Variants in COL19A1 observed in about 807,000 individuals in gnomAD.
COL19A1 encodes the protein collagen type XIX alpha 1 chain.
In COL19A1, 159 loss-of-function variants were observed where a neutral mutation model predicts 190.2. The ratio of observed to expected loss-of-function variants is 0.84; its 90% CI spans 0.73 to 0.95. COL19A1 has a LOEUF of 0.95. Ranked by LOEUF, COL19A1 falls within the 40% of genes least tolerant of loss-of-function variation. The probability of loss-of-function intolerance (pLI) is 0.00; values close to 1 mark genes in which losing one functional copy is unlikely to be tolerated. For synonymous variants in COL19A1, 509 were observed against 458.9 expected (o/e 1.11, Z -1.39); for missense variants, 1,418 against 1,431.9 (o/e 0.99, Z 0.16).
intron 19 of COL19A1, among the ~76,000 whole-genome samples, chr6:70,139,926 T>TC (rs1228746372): frequency 6.7e-6 from 1 of 148,876 alleles, no homozygotes; most frequent in African/African-American, 2.5e-5. Flanking sequence ...GTTTTTCTCT[T>TC]TTTTTTTTTT....
intron 35 of COL19A1, among the ~76,000 whole-genome samples, chr6:70,162,337 G>A (rs1787862222): frequency 6.6e-6 from 1 of 152,084 alleles, no homozygotes; most frequent in Admixed American, 6.6e-5. Context: ...GTGTGCTAAG[G>A]ATTATCAGAT....
intron 16 of COL19A1, among the ~76,000 whole-genome samples, chr6:70,119,900 G>A (rs1169145154): frequency 1.3e-5 from 2 of 152,168 alleles, no homozygotes; most frequent in African/African-American, 4.8e-5. Flanking sequence ...AGACCAGCCT[G>A]GCCAACATGG....
At chr6:69,884,717 GTTCT>G (rs1768795742) in intron 2 of COL19A1, among the ~76,000 whole-genome samples, 1 of 152,096 alleles carries the variant, frequency 6.6e-6, no homozygotes, top group Non-Finnish European at 1.5e-5. Flanking sequence ...GGATGACTAT[GTTCT>G]TAGGTTCTCA....
chr6:70,058,679 A>G (rs1176856613), intron 14 of COL19A1, among the ~76,000 whole-genome samples: 1 of 136,376 alleles, frequency 7.3e-6, no homozygotes, highest in Non-Finnish European at 1.5e-5. Flanking sequence ...ATAAAATAAC[A>G]TAACATAAAG....
In COL19A1 at chr6:69,977,748, A is replaced by C. The variant is rs1229211005; in HGVS notation, c.1026+14878A>C. Among the ~76,000 whole-genome samples the C allele has an allele frequency of 2.0e-5, 3 of 152,158 alleles. No homozygotes were observed. In the East Asian group the frequency reaches 5.8e-4, roughly 29 times the overall value. ...AGGATAATAGATGTGGCCTCTATCT[A>C]GGTTTATTTTGCTAGTTAAGTTCCT... On this transcript the variant is annotated intron_variant, in intron 11 of 50. Coordinates refer to ENST00000620364, the MANE Select transcript of COL19A1 (RefSeq NM_001858.6).
chr6:70,042,249 C>G (rs1779670624), intron 14 of COL19A1, among the ~76,000 whole-genome samples: 1 of 152,092 alleles, frequency 6.6e-6, no homozygotes, highest in South Asian at 2.1e-4. Flanking sequence ...GAATTAAAAA[C>G]TACTTAGAGA....
chr6:69,885,635 C>G (rs1385824194), intron 2 of COL19A1, among the ~76,000 whole-genome samples: 4 of 152,158 alleles, frequency 2.6e-5, no homozygotes, highest in Non-Finnish European at 5.9e-5. Flanking sequence ...CCATTTCCTC[C>G]CTACCTCACA....
At chr6:70,076,877 C>T (rs141102636) in intron 15 of COL19A1, among the ~76,000 whole-genome samples, 1 of 152,316 alleles carries the variant, frequency 6.6e-6, no homozygotes, top group East Asian at 1.9e-4. Flanking sequence ...TTATTCAGAA[C>T]ATTACACTGA....
chr6:70,163,321 A>C, intron 35 of COL19A1, 22 bp from the exon 36 acceptor site: 4 of 1,609,190 alleles, frequency 2.5e-6, no homozygotes, highest in Non-Finnish European at 3.4e-6. Context: ...TTCTGTAACA[A>C]ACTTAGTTTT....
chr6:70,071,308 G>A (rs755491081), intron 15 of COL19A1, among the ~76,000 whole-genome samples: 1 of 151,854 alleles, frequency 6.6e-6, no homozygotes, highest in Non-Finnish European at 1.5e-5. Flanking sequence ...AAGCATAATA[G>A]CAACACTATT....
Position 69,904,252 on chromosome 6 carries a change from A to G in COL19A1, c.266+3914A>G, listed in dbSNP as rs78023778. Among the ~76,000 whole-genome samples, 55 of 152,316 alleles carry G rather than the reference A, an allele frequency of 3.6e-4. 1 individual carries two copies. The East Asian group carries it at 0.011, about 29-fold the overall frequency. ...AGTATTTGCACAAAATGAGTATATG[A>G]TCGCCATTTACTCACAGTTTCTAGT... On this transcript the variant is annotated intron_variant, in intron 4 of 50. Transcript: ENST00000620364.
chr6:69,920,598 T>C (rs1771627966), intron 4 of COL19A1, among the ~76,000 whole-genome samples: 1 of 152,160 alleles, frequency 6.6e-6, no homozygotes, highest in East Asian at 1.9e-4. Context: ...AGTTTGACTG[T>C]ATGATGTTTA....
chr6:70,166,418 C>G (rs1296867758), intron 37 of COL19A1, among the ~76,000 whole-genome samples: 1 of 152,206 alleles, frequency 6.6e-6, no homozygotes, highest in Non-Finnish European at 1.5e-5. Context: ...TGCAAGGAAA[C>G]TCTATTTATG....
chr6:70,137,727 A>G lies in COL19A1; in HGVS notation c.1426A>G (p.Lys476Glu). The change falls in exon 19 of 51, where the codon AAA (lysine) becomes GAA (glutamate). Residue 476 changes from lysine to glutamate, a missense_variant. Transcript: ENST00000620364. ...AGGATTTCCAGGGTCTGTTGGCCCT[A>G]AAGGACAAAAAGGAGAACCTGTAAG... ...LPGFPGSVGP[K>E]GQKGEPGEPF... is the part of the protein sequence containing the mutation. 6.2e-7 allele frequency: 1 copy of G among 1,613,274 alleles called. No homozygotes were observed. Among genetic ancestry groups the G allele is most frequent in the Non-Finnish European group, 8.5e-7 (1 of 1,179,384 alleles).
At chr6:70,068,500 T>A (rs1403444688) in intron 15 of COL19A1, 24 bp downstream of exon 15, 1 of 1,492,584 alleles carries the variant, frequency 6.7e-7, no homozygotes, top group East Asian at 2.3e-5. Flanking sequence ...GAACAACTGG[T>A]GGGCATTACT....
intron 11 of COL19A1, among the ~76,000 whole-genome samples, chr6:69,964,377 G>A (rs947899929): frequency 3.9e-5 from 6 of 152,066 alleles, no homozygotes; most frequent in African/African-American, 1.4e-4. Context: ...ACAGCCATTT[G>A]GAAGGCCATG....
intron 11 of COL19A1, among the ~76,000 whole-genome samples, chr6:69,992,309 A>G (rs927463376): frequency 6.6e-6 from 1 of 152,038 alleles, no homozygotes; most frequent in African/African-American, 2.4e-5. Context: ...GTTTGAAGTC[A>G]GGAAGTGTGA....
intron 14 of COL19A1, among the ~76,000 whole-genome samples, chr6:70,067,772 A>G (rs1249188577): frequency 1.3e-5 from 2 of 152,062 alleles, no homozygotes; most frequent in Admixed American, 6.6e-5. Flanking sequence ...GAATGGCAAT[A>G]TCATCATTTT....
chr6:70,120,831 G>T (rs1172499978), intron 16 of COL19A1, among the ~76,000 whole-genome samples: 1 of 152,148 alleles, frequency 6.6e-6, no homozygotes, highest in Non-Finnish European at 1.5e-5. Context: ...GAAACACCTG[G>T]TGTAAATGTT....
Sources: allele counts gnomAD v4.1 joint callset (sites outside exome capture counted in the v4.1 genomes callset), GRCh38; gene constraint gnomAD v4.1.1; transcripts MANE v1.5; gene names NCBI Gene and HGNC (gene_info 2026-07-23, HGNC 2026-07-21).